PRR16: variants seen among roughly 807,000 people sequenced by gnomAD.
PRR16 encodes proline rich 16.
PRR16 carries 6 observed loss-of-function variants against 18.2 expected under a neutral mutation model. That is an observed-to-expected ratio of 0.33 (90% confidence interval 0.18 to 0.65). The LOEUF (loss-of-function observed/expected upper bound fraction) is 0.65, where lower values mean the gene tolerates loss of function less well. Ranked by LOEUF, PRR16 falls within the 30% of genes least tolerant of loss-of-function variation. PRR16 has a pLI of 0.74. For synonymous variants in PRR16, 151 were observed against 147.8 expected (o/e 1.02, Z -0.16); for missense variants, 412 against 376.6 (o/e 1.09, Z -0.78).
In PRR16 at chr5:120,686,298, T is replaced by C; in HGVS notation, c.504T>C (p.Asn168=). Residue 168 remains asparagine (N), a synonymous_variant, in exon 2 of 2, where the codon AAT becomes AAC. Coordinates refer to ENST00000407149, the MANE Select transcript of PRR16 (RefSeq NM_001300783.2). ...GLPGGPNKIP[N]GDICCIPNSN... Reference sequence around the variant, plus strand: ...CAGGTGGACCTAACAAAATTCCAAATGGAGATATCTGCTGCATACCCAACA... The same window carrying C: ...CAGGTGGACCTAACAAAATTCCAAACGGAGATATCTGCTGCATACCCAACA... 2 of 1,614,094 alleles carry C rather than the reference T, an allele frequency of 1.2e-6. No homozygotes were observed. The highest frequency in any genetic ancestry group is 1.6e-4 in the Middle Eastern group (1 of 6,062).
chr5:120,552,535 TTATA>T (rs913849895), intron 1 of PRR16, among the ~76,000 whole-genome samples: 11 of 151,960 alleles, frequency 7.2e-5, no homozygotes, highest in African/African-American at 2.7e-4. Context: ...TATTTTCTGA[TTATA>T]TATAGATTAT....
chr5:120,632,177 G>A (rs1244949369), intron 1 of PRR16, among the ~76,000 whole-genome samples: 1 of 152,128 alleles, frequency 6.6e-6, no homozygotes, highest in Non-Finnish European at 1.5e-5. Flanking sequence ...CCATTCCTAG[G>A]GGAAGAGAGA....
rs79193545 is a variant in PRR16 at position 120,576,987 on chromosome 5, G to A, written c.160-108967G>A. Among the ~76,000 whole-genome samples the A allele has an allele frequency of 2.1e-3, 314 of 151,324 alleles. 2 individuals are homozygous for A. The highest frequency in any genetic ancestry group is 7.4e-3 in the African/African-American group (304 of 41,218). The stretch of plus-strand genomic sequence containing the variant: ...ATATATATGTTTATAACATCCATTT[G>A]TTCTATTTCTCTGGAAAACTCTAAT... On this transcript the variant is annotated intron_variant, in intron 1 of 1. Transcript: ENST00000407149.
chr5:120,527,199 C>A (rs537501971), intron 1 of PRR16, among the ~76,000 whole-genome samples: 4 of 152,250 alleles, frequency 2.6e-5, no homozygotes, highest in Admixed American at 6.5e-5. Context: ...ATTTGTATAA[C>A]AAACAAATTT....
At chr5:120,786,536 T>A in the PRR16 span, among the ~76,000 whole-genome samples, 35,176 of 148,144 alleles carry the variant, frequency 0.24, 4,927 homozygotes, top group Non-Finnish European at 0.31. Flanking sequence ...ATTATATATA[T>A]TATTTTAAAT....
the PRR16 span, among the ~76,000 whole-genome samples, chr5:120,753,844 ATATAT>A: frequency 1.5e-4 from 18 of 116,296 alleles, no homozygotes; most frequent in East Asian, 4.0e-3. Context: ...TATATAACTT[ATATAT>A]TATATATAAT....
chr5:120,768,671 AT>A, the PRR16 span, among the ~76,000 whole-genome samples: 1 of 151,794 alleles, frequency 6.6e-6, no homozygotes, highest in Non-Finnish European at 1.5e-5. Context: ...TTGAAAAAAA[AT>A]AAATGGTTGC....
chr5:120,720,538 C>T, the PRR16 span, among the ~76,000 whole-genome samples: 1 of 152,002 alleles, frequency 6.6e-6, no homozygotes, highest in Non-Finnish European at 1.5e-5. Flanking sequence ...GTCTCAATAT[C>T]TGCCAATTTT....
At chr5:120,750,808 G>A in the PRR16 span, among the ~76,000 whole-genome samples, 2 of 152,086 alleles carry the variant, frequency 1.3e-5, no homozygotes, top group African/African-American at 4.8e-5. Context: ...TTTTTATGGT[G>A]TTGGGAATAT....
chr5:120,576,981 C>T (rs1289957002), intron 1 of PRR16, among the ~76,000 whole-genome samples: 6 of 151,672 alleles, frequency 4.0e-5, no homozygotes, highest in African/African-American at 7.3e-5. Flanking sequence ...TTTATAACAT[C>T]CATTTGTTCT....
At chr5:120,508,964 G>A (rs1040810430) in intron 1 of PRR16, among the ~76,000 whole-genome samples, 7 of 151,940 alleles carry the variant, frequency 4.6e-5, no homozygotes, top group African/African-American at 7.2e-5. Context: ...GTTGGGTGAG[G>A]GGGGGGATAG....
chr5:120,523,184 T>G (rs77051418), intron 1 of PRR16, among the ~76,000 whole-genome samples: 1,625 of 152,304 alleles, frequency 0.011, 29 homozygotes, highest in African/African-American at 0.038. Flanking sequence ...TTGTGCATTT[T>G]TGGAAAGTAG....
chr5:120,707,067 T>G, the PRR16 span, among the ~76,000 whole-genome samples: 1 of 152,186 alleles, frequency 6.6e-6, no homozygotes. Context: ...GGAGAAAATT[T>G]ACATCTCAAA....
At chr5:120,661,784 G>T (rs148711122) in intron 1 of PRR16, among the ~76,000 whole-genome samples, 1 of 151,914 alleles carries the variant, frequency 6.6e-6, no homozygotes, top group Non-Finnish European at 1.5e-5. Flanking sequence ...TCTAGATCAC[G>T]CTACAGTACC....
chr5:120,600,673 C>A (rs765447196), intron 1 of PRR16, among the ~76,000 whole-genome samples: 1 of 151,790 alleles, frequency 6.6e-6, no homozygotes, highest in Admixed American at 6.6e-5. Flanking sequence ...TTTCATCACC[C>A]GGATAGTGAG....
rs557328060 is a variant in PRR16 at position 120,522,688 on chromosome 5, C to T, written c.159+58043C>T. Among the ~76,000 whole-genome samples the T allele has an allele frequency of 2.3e-3, 343 of 152,310 alleles. 1 individual carries two copies. Among genetic ancestry groups the T allele is most frequent in the Non-Finnish European group, 2.5e-3 (168 of 68,028 alleles). On this transcript the variant is annotated intron_variant, in intron 1 of 1. Transcript: ENST00000407149. ...TGGCACGATCTTGGCTCACTGCAAG[C>T]TCTGCCTCCCAGATTCACACCATTC...
intron 1 of PRR16, among the ~76,000 whole-genome samples, chr5:120,629,745 TG>T (rs5870907): frequency 2.0e-4 from 17 of 85,808 alleles, no homozygotes; most frequent in South Asian, 5.0e-4. Context: ...AGACTCTGTT[TG>T]TTTTTTTGAA....
chr5:120,669,681 T>A (rs544683255), intron 1 of PRR16, among the ~76,000 whole-genome samples: 1 of 152,222 alleles, frequency 6.6e-6, no homozygotes, highest in East Asian at 1.9e-4. Context: ...TTTTAAATAA[T>A]GATATTAATT....
At chr5:120,648,831 T>A (rs1370653433) in intron 1 of PRR16, among the ~76,000 whole-genome samples, 2 of 152,090 alleles carry the variant, frequency 1.3e-5, no homozygotes, top group South Asian at 4.1e-4. Context: ...CATGGTAGCT[T>A]ATTTCAAGCT....
Sources: allele counts gnomAD v4.1 joint callset (sites outside exome capture counted in the v4.1 genomes callset), GRCh38; gene constraint gnomAD v4.1.1; transcripts MANE v1.5; gene names NCBI Gene and HGNC (gene_info 2026-07-23, HGNC 2026-07-21).